Variants in HAL observed in about 807,000 individuals in gnomAD.
The protein encoded by HAL is histidase.
HAL carries 85 observed loss-of-function variants against 81.1 expected under a neutral mutation model. That is an observed-to-expected ratio of 1.05 (90% CI 0.88 to 1.25). The LOEUF is 1.25. HAL is among the 50% of genes most tolerant of loss of function. The pLI is 0.00. For synonymous variants in HAL, 301 were observed against 309.2 expected, an observed-to-expected ratio of 0.97 and a Z score of 0.28; for missense variants, 798 against 836.6, an observed-to-expected ratio of 0.95 and a Z score of 0.57.
At chr12:95,988,130 C>T (rs976534818) in intron 11 of HAL, 63 bp downstream of exon 11, 6 of 844,976 alleles carry the variant, frequency 7.1e-6, no homozygotes, top group Non-Finnish European at 1.0e-5. Context: ...GAGATTAAAA[C>T]TGAAAATACT....
intron 4 of HAL, 50 bp downstream of exon 4, chr12:95,994,748 A>G (rs112885903): frequency 6.3e-7 from 1 of 1,578,108 alleles, no homozygotes; most frequent in Non-Finnish European, 8.7e-7. Flanking sequence ...CTCCCTCTTA[A>G]ATAAGGGGCC....
rs1479905915 is a variant in HAL, at chr12:95,990,549, C to T, written c.716-17G>A. On this transcript the variant is annotated splice_polypyrimidine_tract_variant and intron_variant, in intron 9 of 20. Coordinates refer to ENST00000261208, the MANE Select transcript of HAL (RefSeq NM_002108.4). ...GGCAGGAGGCTGGGAGAGAAGTAGG[C>T]AGCAATTAGTTCAAGAGTACTGCAT... The T allele has an allele frequency of 6.2e-7, 1 of 1,611,406 alleles. No individual in the cohort carries two copies. The highest frequency in any genetic ancestry group is 1.1e-5 in the South Asian group (1 of 91,006).
chr12:95,983,766 AC>A (rs1472174176), intron 15 of HAL, 144 bp downstream of exon 15: 4 of 674,570 alleles, frequency 5.9e-6, no homozygotes, highest in African/African-American at 3.5e-5. Flanking sequence ...AAGTCAGTTA[AC>A]CTCTGAGCCT....
intron 17 of HAL, among the ~76,000 whole-genome samples, chr12:95,979,788 A>G (rs184695405): frequency 7.4e-4 from 113 of 152,360 alleles, no homozygotes; most frequent in African/African-American, 2.4e-3. Flanking sequence ...ACATTTTTGC[A>G]TGCCAAAATT....
chr12:95,974,834 G>T (rs2080697488), intron 20 of HAL, among the ~76,000 whole-genome samples: 1 of 152,114 alleles, frequency 6.6e-6, no homozygotes, highest in Non-Finnish European at 1.5e-5. Context: ...CCACCTTCCA[G>T]GTTCAAGCAA....
intron 17 of HAL, among the ~76,000 whole-genome samples, chr12:95,979,513 G>A (rs959230126): frequency 6.6e-6 from 1 of 152,188 alleles, no homozygotes; most frequent in Non-Finnish European, 1.5e-5. Flanking sequence ...CACAGAGCTA[G>A]TAAATGGCAG....
At chr12:95,991,025 A>G (rs1949963992) in intron 9 of HAL, among the ~76,000 whole-genome samples, 1 of 152,156 alleles carries the variant, frequency 6.6e-6, no homozygotes, top group African/African-American at 2.4e-5. Flanking sequence ...TGGGAGAATC[A>G]CTTGAACCCG....
Position 95,990,367 on chromosome 12 carries a change from C to G in HAL, c.855+26G>C. The G allele has an allele frequency of 2.5e-6, 4 of 1,602,960 alleles. No homozygotes were observed. The South Asian group carries it at 3.3e-5, about 13-fold the overall frequency. ...GGTGTCCAACCTGGGGCAATTGCTG[C>G]AGATAGAAGCTGCTACGAGTCTTAC... is the stretch of plus-strand genomic sequence containing the variant. On this transcript the variant is annotated intron_variant, in intron 10 of 20. Coordinates refer to ENST00000261208, the MANE Select transcript of HAL (RefSeq NM_002108.4).
At chr12:95,983,733 A>G (rs981428030) in intron 15 of HAL, 178 bp downstream of exon 15, 14 of 631,774 alleles carry the variant, frequency 2.2e-5, no homozygotes, top group Non-Finnish European at 3.7e-5. Flanking sequence ...CACCTCTGCC[A>G]CTTACCAGCT....
At chr12:95,977,227 C>A (rs10777764) in intron 18 of HAL, among the ~76,000 whole-genome samples, 38,321 of 151,980 alleles carry the variant, frequency 0.25, 5,256 homozygotes, top group East Asian at 0.44. Flanking sequence ...CCAGGTCCAC[C>A]GTGAATTCCA....
intron 14 of HAL, among the ~76,000 whole-genome samples, chr12:95,985,624 CAAAAAAA>C (rs56285140): frequency 3.9e-5 from 3 of 77,234 alleles, no homozygotes; most frequent in Admixed American, 1.4e-4. Context: ...TTGTCTGTCT[CAAAAAAA>C]AAAAAAAAAA....
intron 9 of HAL, among the ~76,000 whole-genome samples, chr12:95,990,875 C>A (rs549568294): frequency 6.6e-6 from 1 of 152,074 alleles, no homozygotes; most frequent in Non-Finnish European, 1.5e-5. Flanking sequence ...TTTGGGAGGC[C>A]GAGGCGGGCA....
intron 20 of HAL, 33 bp from the exon 21 acceptor site, chr12:95,974,405 T>C (rs1485355944): frequency 6.2e-7 from 1 of 1,602,628 alleles, no homozygotes; most frequent in Non-Finnish European, 8.5e-7. Flanking sequence ...AGTTGAAATA[T>C]TGACGACATT....
intron 9 of HAL, 136 bp from the exon 10 acceptor site, chr12:95,990,668 G>A: frequency 4.0e-6 from 3 of 751,588 alleles, no homozygotes; most frequent in East Asian, 5.2e-5. Context: ...GATACCTGGG[G>A]AAAGACAATT....
chr12:95,988,216 G>A lies in HAL; in HGVS notation c.880C>T (p.Pro294Ser), dbSNP rs772019469. Residue 294 changes from proline (P) to serine (S), a missense_variant, in exon 11 of 21, where the codon CCA becomes TCA. Physicochemically the swap from Pro to Ser is moderately conservative, Grantham distance 74. Transcript: ENST00000261208. ...ACCTCTTTTGGTTTTAAAATAACTG[G>A]TTTCAATCCATGGGCTTCTAGCACC... is the stretch of plus-strand genomic sequence containing the variant. ...KYVLEAHGLK[P>S]VILKPKEGLA... The A allele has an allele frequency of 3.9e-6, 6 of 1,519,202 alleles. No homozygotes were observed. Among genetic ancestry groups the A allele is most frequent in the East Asian group, 2.3e-5 (1 of 44,426 alleles). The allele number at this position is 1,519,202 out of a possible 1,614,324, so 94.1% of individuals were successfully genotyped here.
chr12:95,990,879 G>A (rs1949961401), intron 9 of HAL, among the ~76,000 whole-genome samples: 2 of 152,194 alleles, frequency 1.3e-5, no homozygotes, highest in Non-Finnish European at 2.9e-5. Context: ...GGAGGCCGAG[G>A]CGGGCATATC....
chr12:95,994,923 G>T lies in HAL; in HGVS notation c.308+10C>A, dbSNP rs1180801099. On this transcript the variant is annotated intron_variant, in intron 3 of 20. Coordinates refer to ENST00000261208, the MANE Select transcript of HAL (RefSeq NM_002108.4). ...CCAGAGCAGACCAAAGAGCCTGTGG[G>T]AAAGGATACAGATAAACTCCTTCTG... is the stretch of plus-strand genomic sequence containing the variant. The T allele has an allele frequency of 1.2e-6, 2 of 1,611,742 alleles. No homozygotes were observed. The highest frequency in any genetic ancestry group is 3.3e-5 in the Admixed American group (2 of 60,014).
In HAL at chr12:95,980,570, G is replaced by T. The variant is rs781581441; in HGVS notation, c.1505C>A (p.Thr502Lys). The T allele has an allele frequency of 6.2e-7, 1 of 1,613,610 alleles. No homozygotes were observed. Among genetic ancestry groups the T allele is most frequent in the Non-Finnish European group, 8.5e-7 (1 of 1,179,934 alleles). Residue 502 changes from threonine to lysine, a missense_variant, in exon 17 of 21, where the codon ACG (threonine) becomes AAG (lysine). Thr to Lys is a moderately conservative substitution (Grantham distance 78). Coordinates refer to ENST00000261208, the MANE Select transcript of HAL (RefSeq NM_002108.4). ...AGTGTCCTTACCAAGGGCTGCTGCCGTGCAGTGAGCTATCATGAACCCAGA... is the reference window on the plus strand; with the variant it reads ...AGTGTCCTTACCAAGGGCTGCTGCCTTGCAGTGAGCTATCATGAACCCAGA... ...LNSGFMIAHC[T>K]AAALVSENKA...
At chr12:95,989,701 C>T (rs1026180031) in intron 10 of HAL, 14 of 155,366 alleles carry the variant, frequency 9.0e-5, no homozygotes, top group African/African-American at 3.1e-4. Flanking sequence ...TGAGGGTGGT[C>T]GGAGGAAAAC....
Sources: allele counts gnomAD v4.1 joint callset (sites outside exome capture counted in the v4.1 genomes callset), GRCh38; gene constraint gnomAD v4.1.1; transcripts MANE v1.5; gene names NCBI Gene and HGNC (gene_info 2026-07-23, HGNC 2026-07-21).